PLCB1: variants seen among roughly 807,000 people sequenced by gnomAD.
PLCB1 encodes 1-phosphatidylinositol 4,5-bisphosphate phosphodiesterase beta-1.
Under a neutral mutation model 161.8 loss-of-function variants are expected in PLCB1, and 46 were observed. The ratio of observed to expected loss-of-function variants is 0.28; its 90% CI spans 0.22 to 0.36. The LOEUF (loss-of-function observed/expected upper bound fraction) is 0.36, where lower values mean the gene tolerates loss of function less well. Among genes scored for constraint, PLCB1 ranks in the 10% least tolerant of loss-of-function variants. PLCB1 has a pLI of 1.00. For missense variants in PLCB1, 1,016 were observed against 1,472.5 expected (o/e 0.69, Z 5.07); for synonymous variants, 517 against 503.7 (o/e 1.03, Z -0.35).
At chr20:8,477,219 A>G (rs531212913) in intron 3 of PLCB1, among the ~76,000 whole-genome samples, 2 of 152,300 alleles carry the variant, frequency 1.3e-5, no homozygotes, top group South Asian at 2.1e-4. Flanking sequence ...AAGATCCCCA[A>G]GCAATTCCAA....
In PLCB1 at chr20:8,529,106, C is replaced by T. The variant is rs181483234; in HGVS notation, c.247-99188C>T. On this transcript the variant is annotated intron_variant, in intron 3 of 31. Transcript: ENST00000338037. ...TTTTCCTTTGTACTGAAATTTTTAA[C>T]TTGTTTTCATTCTATTTCAAGAAAT... 1.4e-3 allele frequency among the ~76,000 whole-genome samples: 206 copies of T among 152,080 alleles called. 2 individuals carry two copies. Among genetic ancestry groups the T allele is most frequent in the Non-Finnish European group, 2.4e-3 (164 of 67,936 alleles).
At chr20:8,463,177 G>A in intron 3 of PLCB1, among the ~76,000 whole-genome samples, 1 of 151,154 alleles carries the variant, frequency 6.6e-6, no homozygotes, top group Non-Finnish European at 1.5e-5. Flanking sequence ...GTGTGTGTGT[G>A]TGTGTCTGTG....
At chr20:8,730,469 C>T (rs997071685) in intron 18 of PLCB1, among the ~76,000 whole-genome samples, 13 of 151,718 alleles carry the variant, frequency 8.6e-5, no homozygotes, top group African/African-American at 1.9e-4. Context: ...TTCCTGGATG[C>T]AATAACTCAC....
At chr20:8,443,898 C>A (rs1980683581) in intron 3 of PLCB1, among the ~76,000 whole-genome samples, 1 of 152,290 alleles carries the variant, frequency 6.6e-6, no homozygotes, top group Admixed American at 6.5e-5. Flanking sequence ...AATAGCACCC[C>A]ACAGTGGCTA....
intron 4 of PLCB1, among the ~76,000 whole-genome samples, chr20:8,633,721 T>C (rs915061623): frequency 2.0e-5 from 3 of 152,090 alleles, no homozygotes; most frequent in Non-Finnish European, 4.4e-5. Flanking sequence ...TGATGGAGTT[T>C]TGAAAAAGGA....
At chr20:8,696,689 T>C (rs1280017901) in intron 10 of PLCB1, among the ~76,000 whole-genome samples, 2 of 152,164 alleles carry the variant, frequency 1.3e-5, no homozygotes, top group African/African-American at 4.8e-5. Context: ...TTTGTAATTA[T>C]TAGAGAATAA....
At chr20:8,179,846 CTTTTTTTTTTTTTTTTTT>C (rs35174594) in intron 2 of PLCB1, among the ~76,000 whole-genome samples, 1 of 71,402 alleles carries the variant, frequency 1.4e-5, no homozygotes, top group Non-Finnish European at 2.6e-5. Context: ...TTGTTGAGGG[CTTTTTTTTTTTTTTTTTT>C]TTTTTTTTTT....
At chr20:8,288,502 T>A (rs1983229518) in intron 2 of PLCB1, among the ~76,000 whole-genome samples, 1 of 152,204 alleles carries the variant, frequency 6.6e-6, no homozygotes, top group Non-Finnish European at 1.5e-5. Context: ...AGGTCTAGCC[T>A]CAACCTGGTC....
chr20:8,733,966 CA>C (rs35865041), intron 19 of PLCB1, among the ~76,000 whole-genome samples: 2 of 143,578 alleles, frequency 1.4e-5, no homozygotes, highest in Non-Finnish European at 3.0e-5. Flanking sequence ...CTAAAAAATA[CA>C]AAAAAAAACA....
intron 3 of PLCB1, among the ~76,000 whole-genome samples, chr20:8,403,401 A>C (rs1477849117): frequency 6.6e-6 from 1 of 151,964 alleles, no homozygotes; most frequent in Non-Finnish European, 1.5e-5. Flanking sequence ...CCAAACAAAA[A>C]ACAACAGGGA....
chr20:8,872,217 T>C (rs775205930), intron 31 of PLCB1, among the ~76,000 whole-genome samples: 10 of 152,204 alleles, frequency 6.6e-5, no homozygotes, highest in Admixed American at 1.3e-4. Context: ...TAGGAAAATC[T>C]ACCCAAAATA....
intron 3 of PLCB1, among the ~76,000 whole-genome samples, chr20:8,393,160 C>A (rs985740078): frequency 6.6e-6 from 1 of 152,098 alleles, no homozygotes; most frequent in Non-Finnish European, 1.5e-5. Flanking sequence ...CTTCTGTACT[C>A]AAATGCTGCT....
chr20:8,569,425 G>A (rs576843408), intron 3 of PLCB1, among the ~76,000 whole-genome samples: 8 of 152,252 alleles, frequency 5.3e-5, no homozygotes, highest in Admixed American at 1.3e-4. Flanking sequence ...TTATAAAACT[G>A]TGATAAAGCC....
intron 2 of PLCB1, among the ~76,000 whole-genome samples, chr20:8,153,131 G>C (rs1399932992): frequency 1.3e-5 from 2 of 152,262 alleles, no homozygotes; most frequent in African/African-American, 2.4e-5. Context: ...ACTAAAGCTA[G>C]CGAGTCATTT....
At chr20:8,819,849 A>G (rs190188388) in intron 31 of PLCB1, among the ~76,000 whole-genome samples, 3 of 152,252 alleles carry the variant, frequency 2.0e-5, no homozygotes, top group South Asian at 2.1e-4. Flanking sequence ...GTAGCAAAAC[A>G]TGAATCCCTG....
intron 2 of PLCB1, among the ~76,000 whole-genome samples, chr20:8,202,402 T>C (rs2052102583): frequency 6.6e-6 from 1 of 152,220 alleles, no homozygotes; most frequent in Admixed American, 6.5e-5. Flanking sequence ...AGCATTTATT[T>C]CTTGGCTTAC....
chr20:8,144,430 A>G (rs2051434109), intron 1 of PLCB1, among the ~76,000 whole-genome samples: 1 of 152,160 alleles, frequency 6.6e-6, no homozygotes. Flanking sequence ...CTTGTTCTGT[A>G]GGAAGCCAGT....
At chr20:8,532,803 G>A (rs1488388585) in intron 3 of PLCB1, among the ~76,000 whole-genome samples, 3 of 151,828 alleles carry the variant, frequency 2.0e-5, no homozygotes, top group South Asian at 2.1e-4. Context: ...TGGAAGGAGA[G>A]GTACAGAAGG....
chr20:8,467,715 T>C (rs1057293372), intron 3 of PLCB1, among the ~76,000 whole-genome samples: 2 of 152,154 alleles, frequency 1.3e-5, no homozygotes, highest in Non-Finnish European at 2.9e-5. Flanking sequence ...CTTTTATCTT[T>C]TGAGCATTTT....
Sources: gnomAD v4.1 joint callset for allele counts (sites outside exome capture counted in the v4.1 genomes callset) on GRCh38, gnomAD v4.1.1 for gene constraint, MANE v1.5 for transcripts, NCBI Gene and HGNC (gene_info 2026-07-23, HGNC 2026-07-21) for gene names.